Variants in UTP20 observed in about 807,000 individuals in gnomAD.
UTP20 encodes the protein small subunit processome component 20 homolog.
Under a neutral mutation model 329.5 loss-of-function variants are expected in UTP20, and 164 were observed. The ratio of observed to expected loss-of-function variants is 0.50; its 90% CI spans 0.44 to 0.57. UTP20 has a LOEUF of 0.57. UTP20 is among the 20% of genes least tolerant of loss of function. UTP20 has a pLI of 0.00. For missense variants in UTP20, 3,055 were observed against 3,284.2 expected (o/e 0.93, Z 1.71); for synonymous variants, 1,151 against 1,159.3 (o/e 0.99, Z 0.14).
At chr12:101,287,166 T>A (rs1871987978) in intron 5 of UTP20, among the ~76,000 whole-genome samples, 3 of 152,208 alleles carry the variant, frequency 2.0e-5, no homozygotes. Flanking sequence ...ATCAGCCCCT[T>A]ACCCCACAGT....
Position 101,281,153 on chromosome 12 carries a change from T to C in UTP20, c.83T>C (p.Ile28Thr). 1 of 1,613,372 alleles carries C rather than the reference T, an allele frequency of 6.2e-7. No homozygotes were observed. The highest frequency in any genetic ancestry group is 8.5e-7 in the Non-Finnish European group (1 of 1,179,580). Residue 28 changes from isoleucine (I) to threonine (T), a missense_variant, in exon 2 of 62, where the codon ATT becomes ACT. Coordinates refer to ENST00000261637, the MANE Select transcript of UTP20 (RefSeq NM_014503.3). ...TFAERLGNVN[I>T]DIIHRIDRTA... ...GCTGAACGACTGGGGAATGTTAATA[T>C]TGATATTATTCACCGGATTGATAGA...
chr12:101,374,017 C>T (rs369888026), intron 54 of UTP20, among the ~76,000 whole-genome samples: 21 of 152,020 alleles, frequency 1.4e-4, no homozygotes, highest in African/African-American at 4.1e-4. Context: ...GGGCGGATCA[C>T]GAGGTCAGGA....
At position 101,386,061 on chromosome 12, in the gene UTP20, C is replaced by G. The variant is rs746241915; in HGVS notation, c.8296C>G (p.Pro2766Ala). The G allele has an allele frequency of 1.9e-6, 3 of 1,609,680 alleles. No individual in the cohort carries two copies. The highest frequency in any genetic ancestry group is 3.4e-5 in the Admixed American group (2 of 58,220). ...AKKRKIEFLRPGYKAKRQKSH... is the reference protein window; with the variant it reads ...AKKRKIEFLRAGYKAKRQKSH... ...GAAGAGAAAGATAGAGTTCCTGCGT[C>G]CAGGATATAAGGCCAAGAGACAAAA... The change falls in exon 62 of 62, where the codon CCA becomes GCA. Residue 2766 changes from proline to alanine, a missense_variant. This residue lies in a region of UTP20 where 337 missense variants were observed against 345.5 expected (regional missense o/e 0.98). Coordinates refer to ENST00000261637, the MANE Select transcript of UTP20 (RefSeq NM_014503.3).
intron 43 of UTP20, among the ~76,000 whole-genome samples, chr12:101,358,100 A>G (rs887345849): frequency 6.6e-6 from 1 of 152,168 alleles, no homozygotes; most frequent in Admixed American, 6.5e-5. Context: ...TGTACATCCT[A>G]GTTTGTTGAT....
chr12:101,367,810 A>T (rs1372905679), intron 47 of UTP20, 50 bp from the exon 48 acceptor site: 1 of 1,135,512 alleles, frequency 8.8e-7, no homozygotes, highest in Admixed American at 1.8e-5. Flanking sequence ...TACCTAACTC[A>T]TCTGGTCTAA....
At chr12:101,354,661 C>T (rs1869655139) in intron 40 of UTP20, among the ~76,000 whole-genome samples, 171 bp from the exon 41 acceptor site, 1 of 152,132 alleles carries the variant, frequency 6.6e-6, no homozygotes, top group Non-Finnish European at 1.5e-5. Flanking sequence ...GAAAGCAAAA[C>T]CCATGGCCCT....
chr12:101,344,848 G>A, intron 36 of UTP20, 98 bp downstream of exon 36: 3 of 938,816 alleles, frequency 3.2e-6, no homozygotes, highest in Non-Finnish European at 4.6e-6. Flanking sequence ...GTCAGGCTTA[G>A]TGCATTTAAT....
chr12:101,368,049 T>G, intron 48 of UTP20, 73 bp downstream of exon 48: 1 of 1,046,306 alleles, frequency 9.6e-7, no homozygotes, highest in Non-Finnish European at 1.5e-6. Flanking sequence ...GAATACCTAA[T>G]GGTTGTATTT....
intron 25 of UTP20, among the ~76,000 whole-genome samples, chr12:101,322,074 C>T (rs749302363): frequency 5.0e-4 from 76 of 152,062 alleles, no homozygotes; most frequent in Non-Finnish European, 7.6e-4. Context: ...CTGCAACCTC[C>T]GCCCTCCCAG....
intron 18 of UTP20, among the ~76,000 whole-genome samples, chr12:101,309,013 G>A (rs7961548): frequency 0.52 from 78,533 of 151,862 alleles, 21,801 homozygotes; most frequent in East Asian, 0.94. Context: ...GATTACAGGC[G>A]TGAGCCACTG....
In UTP20 at chr12:101,286,569, T is replaced by C. The variant is rs1871968110; in HGVS notation, c.515+60T>C. 7 of 1,391,766 alleles carry C rather than the reference T, an allele frequency of 5.0e-6. No individual in the cohort carries two copies. In the African/African-American group the frequency reaches 1.0e-4, roughly 20 times the overall value. 86.2% of individuals were successfully genotyped at this position (1,391,766 alleles called of 1,614,324 possible). Reference sequence around the variant, plus strand: ...TGCCTGCTTCTTTTTCCCTGGCTTCTTTATGACTCCAAACCACTTTGCCAG... The same window carrying C: ...TGCCTGCTTCTTTTTCCCTGGCTTCCTTATGACTCCAAACCACTTTGCCAG... On this transcript the variant is annotated intron_variant, in intron 5 of 61. Transcript: ENST00000261637.
At chr12:101,383,416 A>T (rs568804784) in intron 59 of UTP20, 103 bp downstream of exon 59, 5 of 1,485,722 alleles carry the variant, frequency 3.4e-6, no homozygotes, top group Non-Finnish European at 4.5e-6. Flanking sequence ...TTATCTTTGA[A>T]CCCCAAACTG....
rs7315505 is a variant in UTP20, at chr12:101,346,302, C to T, written c.4747-149C>T. ...CCGACCTCAGGTGATCTGCCCATCTCGGCCTCCCGAGTGCTAGGATTACAG... is the reference window on the plus strand; with the variant it reads ...CCGACCTCAGGTGATCTGCCCATCTTGGCCTCCCGAGTGCTAGGATTACAG... On this transcript the variant is annotated intron_variant, in intron 37 of 61. Coordinates refer to ENST00000261637, the MANE Select transcript of UTP20 (RefSeq NM_014503.3). 7,374 of 832,264 alleles carry T rather than the reference C, an allele frequency of 8.9e-3. 426 individuals are homozygous for T. The African/African-American group carries it at 0.12, about 13-fold the overall frequency. 51.6% of individuals were successfully genotyped at this position (832,264 alleles called of 1,614,324 possible).
intron 2 of UTP20, among the ~76,000 whole-genome samples, chr12:101,283,620 T>A (rs926931877): frequency 6.6e-6 from 1 of 152,210 alleles, no homozygotes; most frequent in African/African-American, 2.4e-5. Flanking sequence ...CGTTCTGCAT[T>A]TAAGTTTTAA....
intron 51 of UTP20, among the ~76,000 whole-genome samples, chr12:101,371,744 G>A (rs1258757723): frequency 2.6e-5 from 4 of 152,012 alleles, no homozygotes; most frequent in African/African-American, 9.7e-5. Context: ...ATGTTGGCCA[G>A]GATGGTCTTG....
chr12:101,353,033 T>C lies in UTP20; in HGVS notation c.5025-14T>C. 6 of 1,506,474 alleles carry C rather than the reference T, an allele frequency of 4.0e-6. No homozygotes were observed. Among genetic ancestry groups the C allele is most frequent in the Non-Finnish European group, 4.5e-6 (5 of 1,116,180 alleles). 93.3% of individuals were successfully genotyped at this position (1,506,474 alleles called of 1,614,324 possible). On this transcript the variant is annotated splice_polypyrimidine_tract_variant and intron_variant, in intron 39 of 61. Transcript: ENST00000261637. ...AATCAAATGAACATTTCTGTATACTTTTTTTTTTAACAGTTTGCTAGTAAT... is the reference window on the plus strand; with the variant it reads ...AATCAAATGAACATTTCTGTATACTCTTTTTTTTAACAGTTTGCTAGTAAT...
rs184693191 is a variant in UTP20 at position 101,310,173 on chromosome 12, A to G, written c.2231+334A>G. On this transcript the variant is annotated intron_variant, in intron 19 of 61. Transcript: ENST00000261637. ...AATAATTGCATAATTTTATTTCTAT[A>G]TTTTGAGTCATTGAGCCATACTTTA... is the stretch of plus-strand genomic sequence containing the variant. Among the ~76,000 whole-genome samples the G allele has an allele frequency of 3.9e-5, 6 of 152,264 alleles. No homozygotes were observed. The East Asian group carries it at 1.2e-3, about 29-fold the overall frequency.
At chr12:101,339,834 T>G (rs953430492) in intron 31 of UTP20, among the ~76,000 whole-genome samples, 3 of 152,222 alleles carry the variant, frequency 2.0e-5, no homozygotes, top group African/African-American at 7.2e-5. Context: ...ATTTTTTCTG[T>G]TACTTACAAC....
At chr12:101,343,790 G>A (rs1415154042) in intron 35 of UTP20, among the ~76,000 whole-genome samples, 5 of 152,202 alleles carry the variant, frequency 3.3e-5, no homozygotes, top group Non-Finnish European at 7.3e-5. Context: ...GGGATTATAG[G>A]TGTGGGCCAC....
Sources: gnomAD v4.1 joint callset for allele counts (sites outside exome capture counted in the v4.1 genomes callset) on GRCh38, gnomAD v4.1.1 for gene constraint, gnomAD v4.1.1 regional missense constraint, MANE v1.5 for transcripts, NCBI Gene and HGNC (gene_info 2026-07-23, HGNC 2026-07-21) for gene names.